The following ANKRD26 variants were observed in gnomAD, a reference collection of about 807,000 sequenced individuals.
ANKRD26 encodes ankyrin repeat domain-containing protein 26.
In ANKRD26, 141 loss-of-function variants were observed where a neutral mutation model predicts 208.7. The observed-to-expected ratio is 0.68, with a 90% CI of 0.59 to 0.78. The LOEUF is 0.78. Ranked by LOEUF, ANKRD26 falls within the 30% of genes least tolerant of loss-of-function variation. The pLI is 0.00. For synonymous variants in ANKRD26, 636 were observed against 660.4 expected (o/e 0.96, Z 0.57); for missense variants, 1,889 against 1,938.7 (o/e 0.97, Z 0.48).
At chr10:27,037,701 C>T (rs2054089496) in intron 22 of ANKRD26, among the ~76,000 whole-genome samples, 170 bp downstream of exon 22, 2 of 152,134 alleles carry the variant, frequency 1.3e-5, no homozygotes, top group African/African-American at 2.4e-5. Flanking sequence ...GACTAAGCAT[C>T]TATTAGGTGC....
At chr10:27,086,885 C>T (rs1167575844) in intron 4 of ANKRD26, among the ~76,000 whole-genome samples, 1 of 150,720 alleles carries the variant, frequency 6.6e-6, no homozygotes, top group Non-Finnish European at 1.5e-5. Flanking sequence ...GATTCTCCTG[C>T]CTCAGCCTCC....
At chr10:27,047,703 ACT>A (rs1202076679) in intron 17 of ANKRD26, among the ~76,000 whole-genome samples, 8 of 83,722 alleles carry the variant, frequency 9.6e-5, no homozygotes, top group African/African-American at 2.9e-4. Flanking sequence ...CTGTAATAAT[ACT>A]ACTACTACTA....
chr10:27,071,885 A>G (rs1275930137), intron 9 of ANKRD26, among the ~76,000 whole-genome samples: 1 of 152,162 alleles, frequency 6.6e-6, no homozygotes. Context: ...ATCCCCATAT[A>G]CATTGCATGC....
intron 30 of ANKRD26, among the ~76,000 whole-genome samples, chr10:27,017,215 G>T (rs2053325750): frequency 6.6e-6 from 1 of 152,100 alleles, no homozygotes; most frequent in South Asian, 2.1e-4. Context: ...CAAGAATATG[G>T]TATAATTTCT....
At position 27,037,177 on chromosome 10, in the gene ANKRD26, T is replaced by C. The variant is rs370796881; in HGVS notation, c.2697+9A>G. 179 of 1,612,540 alleles carry C rather than the reference T, an allele frequency of 1.1e-4. 2 individuals are homozygous for C. Among genetic ancestry groups the C allele is most frequent in the African/African-American group, 8.4e-4 (63 of 74,980 alleles). On this transcript the variant is annotated intron_variant, in intron 23 of 33. Coordinates refer to ENST00000376087, the MANE Select transcript of ANKRD26 (RefSeq NM_014915.3). ...CATATTTGAAAATGACTAAAGGAAA[T>C]AGAAATACCTCAGAATTCATTTTCT...
intron 9 of ANKRD26, among the ~76,000 whole-genome samples, chr10:27,069,645 C>T (rs1434503610): frequency 4.6e-5 from 7 of 151,924 alleles, no homozygotes; most frequent in Non-Finnish European, 7.4e-5. Context: ...TGGATAAATA[C>T]GTTTAGAGTA....
chr10:26,986,795 G>T (rs1171934691), intron 3 of ANKRD26, among the ~76,000 whole-genome samples: 1 of 152,252 alleles, frequency 6.6e-6, no homozygotes, highest in Non-Finnish European at 1.5e-5. Flanking sequence ...TGCTGGAGAG[G>T]ATGTGGAGAA....
intron 4 of ANKRD26, among the ~76,000 whole-genome samples, chr10:26,997,009 T>C (rs943716112): frequency 6.6e-5 from 10 of 152,144 alleles, no homozygotes; most frequent in Non-Finnish European, 1.3e-4. Context: ...TTGTTTTGGG[T>C]TGTTTTTGTT....
chr10:27,064,956 T>C (rs1354771644), intron 11 of ANKRD26, among the ~76,000 whole-genome samples: 2 of 152,344 alleles, frequency 1.3e-5, no homozygotes, highest in African/African-American at 4.8e-5. Flanking sequence ...AAAATGATGG[T>C]GATGATGGTT....
At chr10:27,018,350 G>C (rs2134982738) in intron 29 of ANKRD26, among the ~76,000 whole-genome samples, 1 of 151,746 alleles carries the variant, frequency 6.6e-6, no homozygotes, top group South Asian at 2.1e-4. Flanking sequence ...TAGCCAGGAT[G>C]GTCTCAATCT....
At chr10:27,046,301 A>C in intron 18 of ANKRD26, 52 bp downstream of exon 18, 1 of 1,576,674 alleles carries the variant, frequency 6.3e-7, no homozygotes, top group East Asian at 2.2e-5. Context: ...TTTCAGAAAA[A>C]AATTACTACT....
intron 18 of ANKRD26, chr10:27,046,063 G>A: frequency 3.4e-6 from 1 of 293,718 alleles, no homozygotes; most frequent in East Asian, 6.6e-5. Context: ...AAAAAAGAAA[G>A]AAGGCTCCCT....
chr10:27,013,011 C>T lies in ANKRD26; in HGVS notation c.4824G>A (p.Glu1608=). Residue 1608 remains glutamate (E), a synonymous_variant, in exon 32 of 34, where the codon GAG becomes GAA. Coordinates refer to ENST00000376087, the MANE Select transcript of ANKRD26 (RefSeq NM_014915.3). ...FTTLTTRPVM[E]PPCVGNLNNS... The stretch of plus-strand genomic sequence containing the variant: ...TATTAAGATTTCCCACACAAGGTGG[C>T]TCCATGACTGGCCTGGTAGTGAGAG... The T allele has an allele frequency of 6.2e-7, 1 of 1,614,080 alleles. No homozygotes were observed. The highest frequency in any genetic ancestry group is 8.5e-7 in the Non-Finnish European group (1 of 1,179,976).
intron 23 of ANKRD26, 82 bp downstream of exon 23, chr10:27,037,104 T>C: frequency 7.2e-7 from 1 of 1,397,368 alleles, no homozygotes; most frequent in East Asian, 2.4e-5. Context: ...CCAAGATGCA[T>C]ATATAGTTGG....
Position 27,037,312 on chromosome 10 carries a change from C to G in ANKRD26, c.2571G>C (p.Glu857Asp). The change falls in exon 23 of 34, where the codon GAG becomes GAC. Residue 857 changes from glutamate (E) to aspartate (D), a missense_variant. Coordinates refer to ENST00000376087, the MANE Select transcript of ANKRD26 (RefSeq NM_014915.3). ...AAAGTTGCCTCTGAGCGTCATTTCG[C>G]TCTTGAACGACCTAGAGATACATTA... ...VKSNLNQVVQERNDAQRQLSR... is the reference protein window; with the variant it reads ...VKSNLNQVVQDRNDAQRQLSR... The G allele has an allele frequency of 1.2e-6, 2 of 1,613,856 alleles. No homozygotes were observed. Among genetic ancestry groups the G allele is most frequent in the South Asian group, 2.2e-5 (2 of 91,062 alleles).
chr10:27,065,054 C>G (rs1487527518), intron 11 of ANKRD26, among the ~76,000 whole-genome samples: 1 of 152,072 alleles, frequency 6.6e-6, no homozygotes, highest in East Asian at 1.9e-4. Context: ...CCCAGAATGC[C>G]CTCCTTCTAG....
chr10:26,985,051 T>C (rs746098213), intron 3 of ANKRD26, among the ~76,000 whole-genome samples: 66 of 152,142 alleles, frequency 4.3e-4, no homozygotes, highest in Admixed American at 3.5e-3. Context: ...CCAACTGCCA[T>C]CGCTGTTGCT....
chr10:26,959,142 G>T, the ANKRD26 span, among the ~76,000 whole-genome samples: 2 of 151,978 alleles, frequency 1.3e-5, no homozygotes, highest in African/African-American at 4.8e-5. Context: ...AGCCAGGTGT[G>T]GTGGCAGGCA....
Position 27,035,091 on chromosome 10 carries a change from A to T in ANKRD26, c.3359T>A (p.Val1120Asp), listed in dbSNP as rs141117640. Residue 1120 changes from valine (V) to aspartate (D), a missense_variant, in exon 24 of 34, where the codon GTT becomes GAT. By Grantham distance (152) the Val-to-Asp change is radical. Around this residue, in one of 3 missense-constraint regions of ANKRD26, gnomAD observed 613 missense variants for 648.2 expected, o/e 0.95. Coordinates refer to ENST00000376087, the MANE Select transcript of ANKRD26 (RefSeq NM_014915.3). ...CTTTCCAATGTATTTATTCACTTTA[A>T]CTTGTTCATTTTGATACTTTTGTTC... ...EMEQKYQNEQ[V>D]KVNKYIGKQE... 63 of 1,612,814 alleles carry T rather than the reference A, an allele frequency of 3.9e-5. No individual in the cohort carries two copies. The African/African-American group carries it at 6.7e-4, about 17-fold the overall frequency.
Sources: gnomAD v4.1 joint callset for allele counts (sites outside exome capture counted in the v4.1 genomes callset) on GRCh38, gnomAD v4.1.1 for gene constraint, gnomAD v4.1.1 regional missense constraint, MANE v1.5 for transcripts, NCBI Gene and HGNC (gene_info 2026-07-23, HGNC 2026-07-21) for gene names.